The following GLB1L3 variants were observed in gnomAD, a reference collection of about 807,000 sequenced individuals.
GLB1L3 encodes beta-galactosidase-1-like protein 3.
In GLB1L3, 89 loss-of-function variants were observed where a neutral mutation model predicts 89.5. The ratio of observed to expected loss-of-function variants is 0.99; its 90% confidence interval spans 0.84 to 1.19. GLB1L3 has a LOEUF of 1.19. GLB1L3 is among the 50% of genes most tolerant of loss of function. GLB1L3 has a pLI of 0.00. For missense variants in GLB1L3, 812 were observed against 813.3 expected (o/e 1.00, Z 0.02); for synonymous variants, 314 against 312.3 (o/e 1.01, Z -0.06).
chr11:134,313,011 G>T, intron 15 of GLB1L3, 124 bp downstream of exon 15: 1 of 759,222 alleles, frequency 1.3e-6, no homozygotes, highest in East Asian at 2.7e-5. Context: ...ACCTGGGGCG[G>T]CGGCAGGAAG....
In GLB1L3 at chr11:134,312,838, T is replaced by G. The variant is rs752295413; in HGVS notation, c.1451T>G (p.Ile484Arg). The G allele has an allele frequency of 1.7e-5, 28 of 1,612,066 alleles. No homozygotes were observed. In the South Asian group the frequency reaches 3.0e-4, roughly 17 times the overall value. ...CAGGTGTTTTTGGATGAGACAATGA[T>G]AGGGATTCTGAATGAGAATAATAAG... The part of the protein sequence containing the change: ...VAQVFLDETM[I>R]GILNENNKDL... Residue 484 changes from isoleucine (I) to arginine (R), a missense_variant, in exon 15 of 20, where the codon ATA (isoleucine) becomes AGA (arginine). Physicochemically the swap from Ile to Arg is moderately conservative, Grantham distance 97. Coordinates refer to ENST00000431683, the MANE Select transcript of GLB1L3 (RefSeq NM_001080407.3).
intron 18 of GLB1L3, among the ~76,000 whole-genome samples, chr11:134,316,007 T>C (rs900832963): frequency 4.6e-5 from 7 of 152,216 alleles, no homozygotes; most frequent in African/African-American, 1.7e-4. Flanking sequence ...ATAAAATTAG[T>C]TCTGTTAAAG....
chr11:134,311,256 G>A (rs1290379683), intron 13 of GLB1L3, 86 bp downstream of exon 13: 2 of 957,056 alleles, frequency 2.1e-6, no homozygotes, highest in Non-Finnish European at 3.4e-6. Flanking sequence ...ATTAGGAAGT[G>A]GGAAAACAAA....
rs1418261862 is a variant in GLB1L3 at position 134,314,840 on chromosome 11, CTT to C, written c.1779+406_1779+407del. On this transcript the variant is annotated intron_variant, in intron 18 of 19. Coordinates refer to ENST00000431683, the MANE Select transcript of GLB1L3 (RefSeq NM_001080407.3). ...TTGTACTATGTATTCTGAAGCTTGC[CTT>C]TTTTTTCTGTGTGGGGTGAGTTGGT... 2.2e-4 allele frequency among the ~76,000 whole-genome samples: 34 copies of C among 151,940 alleles called. 1 individual carries two copies.
At position 134,282,130 on chromosome 11, in the gene GLB1L3, G is replaced by A. The variant is rs1428968818; in HGVS notation, c.527+10G>A. 1.3e-6 allele frequency: 2 copies of A among 1,565,916 alleles called. No homozygotes were observed. Among genetic ancestry groups the A allele is most frequent in the African/African-American group, 1.4e-5 (1 of 72,708 alleles). On this transcript the variant is annotated intron_variant, in intron 5 of 19. Transcript: ENST00000431683. The stretch of plus-strand genomic sequence containing the variant: ...TCGGGGGCTTGCCCAGGTAAGCGGG[G>A]CTACAGTCCCAGAGTCGTGGTTCTA...
At chr11:134,295,758 C>T (rs550094608) in intron 9 of GLB1L3, among the ~76,000 whole-genome samples, 1 of 152,214 alleles carries the variant, frequency 6.6e-6, no homozygotes, top group Non-Finnish European at 1.5e-5. Context: ...CTGTAAATTT[C>T]TCTGTATGTA....
rs990554607 is a variant in GLB1L3 at position 134,304,988 on chromosome 11, C to G, written c.877-2136C>G. On this transcript the variant is annotated intron_variant, in intron 9 of 19. Coordinates refer to ENST00000431683, the MANE Select transcript of GLB1L3 (RefSeq NM_001080407.3). ...ACTCAAGAGAAGTTGCTGTGAGAGC[C>G]CGCATGCGACTGCGCTAACAATGTA... 8.8e-6 allele frequency: 8 copies of G among 908,432 alleles called. No individual in the cohort carries two copies. In the African/African-American group the frequency reaches 1.2e-4, roughly 13 times the overall value. 56.3% of individuals were successfully genotyped at this position (908,432 alleles called of 1,614,324 possible). A position where few individuals can be genotyped will look rare whatever the true frequency, so the allele number is the denominator to read the frequency against.
At chr11:134,288,641 ACT>A (rs1941154359) in intron 6 of GLB1L3, among the ~76,000 whole-genome samples, 155 bp from the exon 7 acceptor site, 2 of 151,920 alleles carry the variant, frequency 1.3e-5, no homozygotes, top group Admixed American at 6.5e-5. Context: ...GACCCAGCAG[ACT>A]CTAACTCCAG....
chr11:134,319,751 C>CGCGCGTGCATGTGTGTGTGTGT (rs1943135848), downstream of GLB1L3, among the ~76,000 whole-genome samples: 2 of 136,840 alleles, frequency 1.5e-5, no homozygotes, highest in African/African-American at 5.8e-5. Context: ...TGTGTGTGCG[C>CGCGCGTGCATGTGTGTGTGTGT]GCGCGCGTGC....
intron 9 of GLB1L3, among the ~76,000 whole-genome samples, chr11:134,296,672 TCA>T (rs1188805370): frequency 4.2e-5 from 5 of 119,802 alleles, no homozygotes; most frequent in Admixed American, 1.2e-4. Flanking sequence ...AAGGGGAACA[TCA>T]CACTCTGGGG....
chr11:134,286,278 A>C (rs1253744204), intron 6 of GLB1L3, among the ~76,000 whole-genome samples: 1 of 152,164 alleles, frequency 6.6e-6, no homozygotes, highest in Non-Finnish European at 1.5e-5. Flanking sequence ...AATGTGAGAG[A>C]GAGCTTAGGA....
upstream of GLB1L3, chr11:134,276,242 G>C (rs546549000): frequency 6.5e-6 from 1 of 153,270 alleles, no homozygotes; most frequent in Non-Finnish European, 1.5e-5. Flanking sequence ...GTTCTCCGGG[G>C]ACTCTCTCCT....
At chr11:134,311,870 C>T (rs1046545124) in intron 13 of GLB1L3, 3 of 153,284 alleles carry the variant, frequency 2.0e-5, no homozygotes, top group African/African-American at 4.8e-5. Context: ...AATCATGGCT[C>T]ACTGCAGCCT....
intron 9 of GLB1L3, among the ~76,000 whole-genome samples, chr11:134,295,348 A>T (rs1248422003): frequency 6.6e-6 from 1 of 152,190 alleles, no homozygotes. Context: ...TACATCTTTC[A>T]AGGATTTATT....
intron 9 of GLB1L3, among the ~76,000 whole-genome samples, chr11:134,294,422 G>A (rs916839290): frequency 6.6e-6 from 1 of 152,208 alleles, no homozygotes; most frequent in Non-Finnish European, 1.5e-5. Flanking sequence ...GCCCTGCCAG[G>A]GCTCTGTGGA....
At chr11:134,322,888 T>C (rs1053333938), downstream of GLB1L3, among the ~76,000 whole-genome samples, 1 of 152,196 alleles carries the variant, frequency 6.6e-6, no homozygotes, top group Non-Finnish European at 1.5e-5. Flanking sequence ...CATGCATAAG[T>C]TTTTGTGTGG....
intron 3 of GLB1L3, among the ~76,000 whole-genome samples, chr11:134,279,781 A>G (rs960086847): frequency 6.6e-6 from 1 of 151,710 alleles, no homozygotes; most frequent in Non-Finnish European, 1.5e-5. Context: ...CTTTTTTCTT[A>G]ATCTTATCTA....
At chr11:134,284,139 C>A (rs1940855828) in intron 6 of GLB1L3, among the ~76,000 whole-genome samples, 1 of 152,148 alleles carries the variant, frequency 6.6e-6, no homozygotes, top group Admixed American at 6.5e-5. Flanking sequence ...TTGCTTCTTT[C>A]CACTTTTGAC....
Position 134,310,748 on chromosome 11 carries a change from GCAGTTACA to G in GLB1L3, c.1180+99_1180+106del, listed in dbSNP as rs151253568. On this transcript the variant is annotated intron_variant, in intron 12 of 19. Transcript: ENST00000431683. ...AAGGCGTGGGTCTCCCTTGTGGGCA[GCAGTTACA>G]CCAAGCTCCTGAGAACAAGGGCAAC... The G allele has an allele frequency of 7.1e-4, 626 of 878,864 alleles. 5 individuals are homozygous for G. The highest frequency in any genetic ancestry group is 2.0e-3 in the Middle Eastern group (9 of 4,518). 54.4% of individuals were successfully genotyped at this position (878,864 alleles called of 1,614,324 possible). A position where few individuals can be genotyped will look rare whatever the true frequency, so the allele number is the denominator to read the frequency against.
Sources: gnomAD v4.1 joint callset for allele counts (sites outside exome capture counted in the v4.1 genomes callset) on GRCh38, gnomAD v4.1.1 for gene constraint, MANE v1.5 for transcripts, NCBI Gene and HGNC (gene_info 2026-07-23, HGNC 2026-07-21) for gene names.